The following DGKD variants were observed in gnomAD, a reference collection of about 807,000 sequenced individuals.
The protein encoded by DGKD is diacylglycerol kinase delta.
DGKD carries 68 observed loss-of-function variants against 154.4 expected under a neutral mutation model. The ratio of observed to expected loss-of-function variants is 0.44; its 90% confidence interval spans 0.36 to 0.54. The LOEUF (loss-of-function observed/expected upper bound fraction) is 0.54, where lower values mean the gene tolerates loss of function less well. Ranked by LOEUF, DGKD falls within the 20% of genes least tolerant of loss-of-function variation. DGKD has a pLI of 0.00. For synonymous variants in DGKD, 693 were observed against 638.0 expected (o/e 1.09, Z -1.30); for missense variants, 1,343 against 1,593.6 (o/e 0.84, Z 2.68).
intron 3 of DGKD, among the ~76,000 whole-genome samples, chr2:233,412,561 C>T (rs555052776): frequency 9.1e-4 from 138 of 152,276 alleles, no homozygotes; most frequent in African/African-American, 3.3e-3. Context: ...TTACTTCTTC[C>T]TTTCTGACTC....
Position 233,436,366 on chromosome 2 carries a change from G to A in DGKD, c.744G>A (p.Lys248=). ...WLEGNLPVSA[K]CTVCDKTCGS... ...AAGGAAACCTACCTGTGAGCGCCAA[G>A]TGCACTGTGTGCGACAAGACCTGTG... The change falls in exon 7 of 30, where the codon AAG becomes AAA. Residue 248 remains lysine, a synonymous_variant. Coordinates refer to ENST00000264057, the MANE Select transcript of DGKD (RefSeq NM_152879.3). The A allele has an allele frequency of 6.2e-7, 1 of 1,614,234 alleles. No individual in the cohort carries two copies. Among genetic ancestry groups the A allele is most frequent in the South Asian group, 1.1e-5 (1 of 91,088 alleles).
Position 233,460,406 on chromosome 2 carries a change from C to G in DGKD, c.2981+61C>G, listed in dbSNP as rs1036373780. 7 of 1,588,160 alleles carry G rather than the reference C, an allele frequency of 4.4e-6. No homozygotes were observed. The Admixed American group carries it at 5.3e-5, about 12-fold the overall frequency. On this transcript the variant is annotated intron_variant, in intron 24 of 29. Coordinates refer to ENST00000264057, the MANE Select transcript of DGKD (RefSeq NM_152879.3). The stretch of plus-strand genomic sequence containing the variant: ...CCCCCAGGGTCCCTGGGACTGCACT[C>G]TTCCAAGGCCCCTGGGGCGTGGAGC...
Position 233,436,349 on chromosome 2 carries a change from C to A in DGKD, c.727C>A (p.Leu243Ile). ...AMPHQWLEGN[L>I]PVSAKCTVCD... ...GCCCCACCAGTGGTTGGAAGGAAAC[C>A]TACCTGTGAGCGCCAAGTGCACTGT... The change falls in exon 7 of 30, where the codon CTA becomes ATA. Residue 243 changes from leucine to isoleucine, a missense_variant. Leu to Ile is a conservative substitution (Grantham distance 5, BLOSUM62 2). This residue lies in a region of DGKD where 332 missense variants were observed against 400.1 expected (regional missense o/e 0.83). Coordinates refer to ENST00000264057, the MANE Select transcript of DGKD (RefSeq NM_152879.3). 2 of 1,614,216 alleles carry A rather than the reference C, an allele frequency of 1.2e-6. No individual in the cohort carries two copies. Among genetic ancestry groups the A allele is most frequent in the South Asian group, 2.2e-5 (2 of 91,072 alleles).
chr2:233,423,189 G>C (rs1456745855), intron 3 of DGKD, among the ~76,000 whole-genome samples: 1 of 152,140 alleles, frequency 6.6e-6, no homozygotes, highest in Non-Finnish European at 1.5e-5. Context: ...CCAGCTTTTG[G>C]TGATCATGAA....
In DGKD at chr2:233,384,833, T is replaced by G. The variant is rs1703087537; in HGVS notation, c.157-3424T>G. Among the ~76,000 whole-genome samples, 4 of 152,284 alleles carry G rather than the reference T, an allele frequency of 2.6e-5. No homozygotes were observed. The South Asian group carries it at 8.3e-4, about 32-fold the overall frequency. ...CTGAGCCACCACCGGGCTCTGTCTG[T>G]AGCCCCAGGGAGCAGCTGCCGGCCT... On this transcript the variant is annotated intron_variant, in intron 1 of 29. Coordinates refer to ENST00000264057, the MANE Select transcript of DGKD (RefSeq NM_152879.3).
At chr2:233,427,019 T>A (rs1343078093) in intron 3 of DGKD, among the ~76,000 whole-genome samples, 4 of 152,232 alleles carry the variant, frequency 2.6e-5, no homozygotes, top group African/African-American at 9.6e-5. Context: ...TACTGATTTT[T>A]AAGTTCTGTT....
At chr2:233,402,140 C>T (rs117417672) in intron 3 of DGKD, among the ~76,000 whole-genome samples, 2 of 152,172 alleles carry the variant, frequency 1.3e-5, no homozygotes, top group East Asian at 3.9e-4. Context: ...CCCCACCGAC[C>T]CTGTCCGTTT....
intron 3 of DGKD, among the ~76,000 whole-genome samples, chr2:233,395,171 G>GTTTA (rs888061398): frequency 8.4e-6 from 1 of 118,486 alleles, no homozygotes; most frequent in African/African-American, 2.7e-5. Flanking sequence ...TTGTTTGTTT[G>GTTTA]TTTATTTATT....
At chr2:233,451,667 A>G (rs963753700) in intron 17 of DGKD, among the ~76,000 whole-genome samples, 1 of 151,716 alleles carries the variant, frequency 6.6e-6, no homozygotes, top group African/African-American at 2.4e-5. Context: ...CCTGGACTCA[A>G]GTGATCCTCC....
chr2:233,420,534 T>C (rs1258228702), intron 3 of DGKD, among the ~76,000 whole-genome samples: 2 of 152,236 alleles, frequency 1.3e-5, no homozygotes, highest in Non-Finnish European at 2.9e-5. Flanking sequence ...TTATATACTT[T>C]TTTGATAAGT....
chr2:233,455,934 G>T (rs1398207543), intron 19 of DGKD, among the ~76,000 whole-genome samples: 1 of 152,222 alleles, frequency 6.6e-6, no homozygotes, highest in Non-Finnish European at 1.5e-5. Context: ...GCACAGGATG[G>T]TAACGTCAGA....
intron 3 of DGKD, among the ~76,000 whole-genome samples, chr2:233,432,860 C>T (rs2125584673): frequency 6.6e-6 from 1 of 152,258 alleles, no homozygotes; most frequent in South Asian, 2.1e-4. Flanking sequence ...TATCATTGAT[C>T]ATCAGAGAAA....
chr2:233,408,970 G>A (rs1229936894), intron 3 of DGKD: 1 of 152,248 alleles, frequency 6.6e-6, no homozygotes, highest in Admixed American at 6.5e-5. Flanking sequence ...GTTGCTCCTT[G>A]TGAGGGCTTA....
intron 2 of DGKD, 29 bp downstream of exon 2, chr2:233,388,396 G>A (rs1462341466): frequency 5.0e-6 from 8 of 1,598,338 alleles, no homozygotes; most frequent in Middle Eastern, 1.7e-4. Context: ...AAGCACACGC[G>A]AGGACATCAC....
intron 1 of DGKD, among the ~76,000 whole-genome samples, chr2:233,368,026 C>T (rs1350566835): frequency 6.6e-6 from 1 of 151,944 alleles, no homozygotes; most frequent in Non-Finnish European, 1.5e-5. Flanking sequence ...TTCCCCTTTA[C>T]AGTTAGGAAG....
intron 26 of DGKD, 138 bp from the exon 27 acceptor site, chr2:233,464,026 C>T (rs1310167225): frequency 1.6e-6 from 2 of 1,246,852 alleles, no homozygotes; most frequent in African/African-American, 1.5e-5. Context: ...TTCTGGTGCT[C>T]TGGGACTTCG....
intron 3 of DGKD, among the ~76,000 whole-genome samples, chr2:233,393,046 T>G (rs1225030147): frequency 6.6e-6 from 1 of 152,238 alleles, no homozygotes; most frequent in Non-Finnish European, 1.5e-5. Context: ...AGACGGAATC[T>G]TGCTCTGTTG....
In DGKD at chr2:233,442,763, G is replaced by A. The variant is rs915712589; in HGVS notation, c.1194+768G>A. 5.9e-5 allele frequency among the ~76,000 whole-genome samples: 9 copies of A among 151,640 alleles called. No homozygotes were observed. The South Asian group carries it at 6.2e-4, about 10-fold the overall frequency. On this transcript the variant is annotated intron_variant, in intron 10 of 29. Transcript: ENST00000264057. ...TGGGATTACAGGCGCACGCTACCAC[G>A]CCCAGCTAATTTTTGTATTTTTAGT...
chr2:233,459,690 C>T lies in DGKD; in HGVS notation c.2695-67C>T. On this transcript the variant is annotated intron_variant, in intron 22 of 29. Transcript: ENST00000264057. The surrounding 1 kb of genome is among the most constrained non-coding windows in gnomAD (Gnocchi z 5.7). ...GTGGAGCAGGAAGGTCATGGTGGTG[C>T]TGATAGCACTTTTAAACCCCTGGGG... is the stretch of plus-strand genomic sequence containing the variant. 6.4e-7 allele frequency: 1 copy of T among 1,569,980 alleles called. No homozygotes were observed. The highest frequency in any genetic ancestry group is 2.3e-5 in the East Asian group (1 of 44,374).
Sources: gnomAD v4.1 joint callset for allele counts (sites outside exome capture counted in the v4.1 genomes callset) on GRCh38, gnomAD v4.1.1 for gene constraint, gnomAD v4.1.1 regional missense constraint, Gnocchi (gnomAD v3.1) non-coding constraint, MANE v1.5 for transcripts, NCBI Gene and HGNC (gene_info 2026-07-23, HGNC 2026-07-21) for gene names.